RFX7: variants seen among roughly 807,000 people sequenced by gnomAD.
RFX7 encodes DNA-binding protein RFX7.
A neutral mutation model predicts 111.8 loss-of-function variants in RFX7; 26 were observed. The observed-to-expected ratio is 0.23, with a 90% CI of 0.17 to 0.32. The LOEUF is 0.32. Among genes scored for constraint, RFX7 ranks in the 10% least tolerant of loss-of-function variants. The pLI, the probability that RFX7 is intolerant of heterozygous loss-of-function variation, is 1.00. For synonymous variants in RFX7, 624 were observed against 624.4 expected, an observed-to-expected ratio of 1.00 and a Z score of 0.01; for missense variants, 1,573 against 1,772.9, an observed-to-expected ratio of 0.89 and a Z score of 2.02.
At chr15:56,116,929 T>C (rs529919228) in intron 5 of RFX7, among the ~76,000 whole-genome samples, 5 of 152,026 alleles carry the variant, frequency 3.3e-5, no homozygotes, top group Admixed American at 3.3e-4. Context: ...GTATATTGTA[T>C]AACATCATTC....
At chr15:56,200,786 C>T (rs2043186237) in intron 2 of RFX7, among the ~76,000 whole-genome samples, 2 of 150,938 alleles carry the variant, frequency 1.3e-5, no homozygotes, top group South Asian at 2.1e-4. Context: ...CAAGCCTCGC[C>T]GTCTCAAAAA....
rs752755669 is a variant in RFX7 at position 56,096,425 on chromosome 15, T to G, written c.1303A>C (p.Lys435Gln). The stretch of plus-strand genomic sequence containing the variant: ...GTGAGTGCACTGGTGTTCGCTGGTT[T>G]GGGTAAGATCTGAGGGTAACGGTGC... ...ARHRYPQILP[K>Q]PANTSALTIR... Residue 435 changes from lysine to glutamine, a missense_variant, in exon 10 of 10, where the codon AAA (lysine) becomes CAA (glutamine). Around this residue, in one of 7 missense-constraint regions of RFX7, gnomAD observed 288 missense variants for 337.9 expected, o/e 0.85. Coordinates refer to ENST00000559447, the MANE Select transcript of RFX7 (RefSeq NM_022841.7). 1.2e-6 allele frequency: 2 copies of G among 1,613,790 alleles called. No individual in the cohort carries two copies. Among genetic ancestry groups the G allele is most frequent in the Non-Finnish European group, 1.7e-6 (2 of 1,179,828 alleles).
At chr15:56,179,623 A>G (rs1254802041) in intron 2 of RFX7, among the ~76,000 whole-genome samples, 1 of 152,158 alleles carries the variant, frequency 6.6e-6, no homozygotes, top group Non-Finnish European at 1.5e-5. Flanking sequence ...AGAGCTTACA[A>G]TAATTATGAT....
intron 5 of RFX7, among the ~76,000 whole-genome samples, chr15:56,122,064 T>C (rs2042086014): frequency 6.6e-6 from 1 of 152,128 alleles, no homozygotes; most frequent in Admixed American, 6.6e-5. Context: ...TTCTGAATGG[T>C]CTTGATGCTT....
chr15:56,154,503 C>T (rs1229202852), intron 3 of RFX7, among the ~76,000 whole-genome samples: 1 of 152,166 alleles, frequency 6.6e-6, no homozygotes, highest in Non-Finnish European at 1.5e-5. Flanking sequence ...TGATCTTTGA[C>T]AAACCTGAGA....
At chr15:56,229,607 T>G (rs1231652931) in intron 2 of RFX7, among the ~76,000 whole-genome samples, 1 of 152,106 alleles carries the variant, frequency 6.6e-6, no homozygotes. Flanking sequence ...AGAATGAGAA[T>G]CTCCCGGAAG....
chr15:56,172,086 AG>A (rs1251465442), intron 3 of RFX7, among the ~76,000 whole-genome samples: 7 of 151,992 alleles, frequency 4.6e-5, no homozygotes, highest in Non-Finnish European at 5.9e-5. Context: ...TGGGGGGATG[AG>A]GGGGTAGTGT....
chr15:56,201,347 C>G (rs774157542), intron 2 of RFX7, among the ~76,000 whole-genome samples: 1 of 152,052 alleles, frequency 6.6e-6, no homozygotes, highest in African/African-American at 2.4e-5. Flanking sequence ...CAAAACAATT[C>G]GAAAACCAAT....
chr15:56,224,893 T>C (rs1412912002), intron 2 of RFX7, among the ~76,000 whole-genome samples: 3 of 152,144 alleles, frequency 2.0e-5, no homozygotes, highest in African/African-American at 7.2e-5. Flanking sequence ...GGGTTGAGGC[T>C]AATTTATTCT....
chr15:56,170,675 A>G (rs1215540347), intron 3 of RFX7, among the ~76,000 whole-genome samples: 1 of 152,212 alleles, frequency 6.6e-6, no homozygotes, highest in Non-Finnish European at 1.5e-5. Context: ...TTAAAATTAA[A>G]CAAAATTAAA....
chr15:56,150,556 G>A (rs2042555514), intron 3 of RFX7, among the ~76,000 whole-genome samples: 1 of 152,146 alleles, frequency 6.6e-6, no homozygotes, highest in African/African-American at 2.4e-5. Flanking sequence ...AGACCCCACT[G>A]GAAGGTCACC....
Position 56,243,560 on chromosome 15 carries a change from G to GC in RFX7, c.-119dup, listed in dbSNP as rs1359531148. On this transcript the variant is annotated 5_prime_UTR_variant, in exon 1 of 10. Transcript: ENST00000559447. Reference sequence around the variant, plus strand: ...GGGAGAGGCATGGCGGCGCCCCTCAGCCCCCCGCTGGCGCCGCCGCCTCCT... The same window carrying GC: ...GGGAGAGGCATGGCGGCGCCCCTCAGCCCCCCCGCTGGCGCCGCCGCCTCCT... 57 of 966,078 alleles carry GC rather than the reference G, an allele frequency of 5.9e-5. No homozygotes were observed. The highest frequency in any genetic ancestry group is 6.9e-5 in the Non-Finnish European group (56 of 813,622). The allele number at this position is 966,078 out of a possible 1,614,324, so 59.8% of individuals were successfully genotyped here.
At chr15:56,152,504 A>G (rs2042585338) in intron 3 of RFX7, among the ~76,000 whole-genome samples, 1 of 152,170 alleles carries the variant, frequency 6.6e-6, no homozygotes, top group African/African-American at 2.4e-5. Context: ...TTTGAAACCA[A>G]TGAGAATGAG....
chr15:56,137,030 T>G (rs1595955298), intron 5 of RFX7, among the ~76,000 whole-genome samples: 1 of 152,156 alleles, frequency 6.6e-6, no homozygotes. Context: ...AGTATTTTAT[T>G]GAGAATTTTT....
At chr15:56,140,885 G>A (rs1037389198) in intron 5 of RFX7, among the ~76,000 whole-genome samples, 1 of 152,144 alleles carries the variant, frequency 6.6e-6, no homozygotes, top group South Asian at 2.1e-4. Flanking sequence ...AGGAATATAA[G>A]GACTGCTTTC....
intron 3 of RFX7, among the ~76,000 whole-genome samples, chr15:56,160,953 C>G (rs1485534767): frequency 6.6e-6 from 1 of 151,992 alleles, no homozygotes; most frequent in Non-Finnish European, 1.5e-5. Context: ...TTTTTCTATT[C>G]TCAGTTCTAG....
intron 2 of RFX7, among the ~76,000 whole-genome samples, chr15:56,228,377 T>C (rs2043509335): frequency 6.6e-6 from 1 of 152,182 alleles, no homozygotes; most frequent in African/African-American, 2.4e-5. Flanking sequence ...TATGGAATTA[T>C]GTAATTGAAC....
chr15:56,193,827 A>G (rs2043122010), intron 2 of RFX7, among the ~76,000 whole-genome samples: 1 of 152,206 alleles, frequency 6.6e-6, no homozygotes, highest in Admixed American at 6.5e-5. Flanking sequence ...GTGAAGCTAG[A>G]TAAAGCTTTC....
chr15:56,142,951 A>C lies in RFX7; in HGVS notation c.279-51T>G, dbSNP rs2042421556. On this transcript the variant is annotated intron_variant, in intron 4 of 9. Transcript: ENST00000559447. ...CTGACCAGACAGCAATTCATTAACG[A>C]TTTTTGAGCTAGGCCTAAATGTTCC... 5.6e-6 allele frequency: 9 copies of C among 1,600,322 alleles called. No individual in the cohort carries two copies. The Admixed American group carries it at 1.4e-4, about 24-fold the overall frequency.
Sources: allele counts gnomAD v4.1 joint callset (sites outside exome capture counted in the v4.1 genomes callset), GRCh38; gene constraint gnomAD v4.1.1; regional missense constraint gnomAD v4.1.1; transcripts MANE v1.5; gene names NCBI Gene and HGNC (gene_info 2026-07-23, HGNC 2026-07-21).